The following ECHDC3 variants were observed in gnomAD, a reference collection of about 807,000 sequenced individuals.
The protein encoded by ECHDC3 is enoyl-CoA hydratase domain containing 3, also known as enoyl-CoA hydratase domain-containing protein 3, mitochondrial.
A neutral mutation model predicts 17.9 loss-of-function variants in ECHDC3; 20 were observed. The ratio of observed to expected loss-of-function variants is 1.12; its 90% CI spans 0.79 to 1.63. ECHDC3 has a LOEUF of 1.63. Ranked by LOEUF, ECHDC3 falls within the 40% of genes most tolerant of loss-of-function variation. The pLI is 0.00. For missense variants in ECHDC3, 407 were observed against 357.7 expected, an observed-to-expected ratio of 1.14 and a Z score of -1.11; for synonymous variants, 177 against 149.7, an observed-to-expected ratio of 1.18 and a Z score of -1.33.
At chr10:11,753,487 G>C (rs1832850737) in intron 3 of ECHDC3, among the ~76,000 whole-genome samples, 1 of 152,198 alleles carries the variant, frequency 6.6e-6, no homozygotes, top group Admixed American at 6.5e-5. Flanking sequence ...ATGATGGACA[G>C]GACAGGTAGA....
chr10:11,757,639 G>A (rs1832898919), intron 4 of ECHDC3, among the ~76,000 whole-genome samples: 1 of 152,150 alleles, frequency 6.6e-6, no homozygotes, highest in Non-Finnish European at 1.5e-5. Context: ...CCTGAAAGCG[G>A]TTCAGAGTTC....
chr10:11,744,658 A>G (rs1019615863), intron 1 of ECHDC3, among the ~76,000 whole-genome samples: 1 of 152,142 alleles, frequency 6.6e-6, no homozygotes, highest in Admixed American at 6.5e-5. Context: ...CAAGATGGCC[A>G]CTGGGAGGGT....
intron 3 of ECHDC3, among the ~76,000 whole-genome samples, chr10:11,752,728 G>T (rs542242247): frequency 1.3e-5 from 2 of 152,164 alleles, no homozygotes; most frequent in African/African-American, 4.8e-5. Context: ...TATAAGGTTG[G>T]TGCTATTATC....
chr10:11,746,738 C>G (rs1057280594), intron 1 of ECHDC3, among the ~76,000 whole-genome samples: 1 of 152,154 alleles, frequency 6.6e-6, no homozygotes, highest in East Asian at 1.9e-4. Flanking sequence ...GAGTTCAAGA[C>G]CAGCCTAGCC....
intron 4 of ECHDC3, among the ~76,000 whole-genome samples, chr10:11,760,304 G>A (rs556596316): frequency 5.9e-5 from 9 of 152,316 alleles, no homozygotes; most frequent in Middle Eastern, 3.4e-3. Flanking sequence ...ACCAGGCCCC[G>A]CCTGTGAAGC....
At chr10:11,758,268 G>A (rs1832906492) in intron 4 of ECHDC3, among the ~76,000 whole-genome samples, 1 of 152,092 alleles carries the variant, frequency 6.6e-6, no homozygotes, top group African/African-American at 2.4e-5. Context: ...GCATCTTTCT[G>A]GCACCCTATA....
intron 4 of ECHDC3, among the ~76,000 whole-genome samples, chr10:11,761,648 C>G (rs1383487611): frequency 6.6e-6 from 1 of 152,196 alleles, no homozygotes; most frequent in African/African-American, 2.4e-5. Context: ...TCAGCTGGGC[C>G]CCCACAAGGG....
chr10:11,748,618 G>T (rs1330576378), intron 2 of ECHDC3, among the ~76,000 whole-genome samples: 2 of 152,200 alleles, frequency 1.3e-5, no homozygotes, highest in African/African-American at 4.8e-5. Flanking sequence ...AGGCATGGTT[G>T]CTCATGTCTG....
chr10:11,747,907 A>C (rs973673047), intron 2 of ECHDC3, among the ~76,000 whole-genome samples: 4 of 152,192 alleles, frequency 2.6e-5, no homozygotes, highest in African/African-American at 9.7e-5. Context: ...ATATTCTGCT[A>C]ATTTGTTTGC....
intron 2 of ECHDC3, among the ~76,000 whole-genome samples, 184 bp from the exon 3 acceptor site, chr10:11,749,311 C>G (rs1207922049): frequency 1.3e-5 from 2 of 152,316 alleles, no homozygotes; most frequent in East Asian, 1.9e-4. Context: ...TTGCATTTTT[C>G]ATCACAAAAT....
chr10:11,749,051 C>T (rs1434863834), intron 2 of ECHDC3, among the ~76,000 whole-genome samples: 1 of 152,196 alleles, frequency 6.6e-6, no homozygotes, highest in Non-Finnish European at 1.5e-5. Flanking sequence ...CTACCCTCAC[C>T]TTCCCACTTC....
At chr10:11,753,797 CAG>C (rs2133791570) in intron 3 of ECHDC3, among the ~76,000 whole-genome samples, 2 of 86,202 alleles carry the variant, frequency 2.3e-5, no homozygotes, top group East Asian at 6.7e-4. Context: ...TTATTTGAGA[CAG>C]AGTCTCACTG....
rs34878615 is a variant in ECHDC3 at position 11,755,485 on chromosome 10, A to G, written c.468A>G (p.Gln156=). The G allele has an allele frequency of 3.7e-3, 6,019 of 1,614,074 alleles. 199 individuals are homozygous for G. In the African/African-American group the frequency reaches 0.069, roughly 18 times the overall value. ...VNGLAAAAGC[Q]LVASCDIAVA... is the part of the protein sequence containing the mutation. Reference sequence around the variant, plus strand: ...GCCTGGCCGCGGCTGCCGGCTGTCAACTGGTTGCCAGCTGCGACATTGCCG... The same window carrying G: ...GCCTGGCCGCGGCTGCCGGCTGTCAGCTGGTTGCCAGCTGCGACATTGCCG... The change falls in exon 4 of 5, where the codon CAA becomes CAG. Residue 156 remains glutamine, a synonymous_variant. Coordinates refer to ENST00000379215, the MANE Select transcript of ECHDC3 (RefSeq NM_024693.5).
At chr10:11,750,241 A>G (rs921209910) in intron 3 of ECHDC3, among the ~76,000 whole-genome samples, 1 of 152,228 alleles carries the variant, frequency 6.6e-6, no homozygotes, top group African/African-American at 2.4e-5. Flanking sequence ...TAAGAAGGAA[A>G]AGGTGAAAAT....
intron 1 of ECHDC3, among the ~76,000 whole-genome samples, chr10:11,744,932 G>T (rs891505983): frequency 2.6e-5 from 4 of 152,226 alleles, no homozygotes; most frequent in African/African-American, 9.6e-5. Flanking sequence ...AGTCATCGGT[G>T]AAGTTGCCTG....
intron 4 of ECHDC3, among the ~76,000 whole-genome samples, chr10:11,756,433 G>A (rs1386299213): frequency 6.6e-6 from 1 of 152,226 alleles, no homozygotes; most frequent in Admixed American, 6.5e-5. Flanking sequence ...ATCTGCTTTA[G>A]CATCAGCTGT....
rs1832935729 is a variant in ECHDC3, at chr10:11,760,417, G to A, written c.592-2807G>A. Among the ~76,000 whole-genome samples the A allele has an allele frequency of 2.6e-5, 4 of 152,190 alleles. No homozygotes were observed. In the South Asian group the frequency reaches 8.3e-4, roughly 32 times the overall value. ...GCCCAGGCTGCAAGCCCCCCACCTG[G>A]GATGAATACTTGCCCATCTGCTGAG... On this transcript the variant is annotated intron_variant, in intron 4 of 4. Transcript: ENST00000379215.
chr10:11,760,607 T>C (rs889148024), intron 4 of ECHDC3, among the ~76,000 whole-genome samples: 1 of 152,216 alleles, frequency 6.6e-6, no homozygotes, highest in Non-Finnish European at 1.5e-5. Context: ...TCTTGTTGCA[T>C]CAGTTTTTCA....
intron 2 of ECHDC3, among the ~76,000 whole-genome samples, chr10:11,749,275 C>T (rs1434100153): frequency 3.9e-5 from 6 of 152,150 alleles, no homozygotes; most frequent in Non-Finnish European, 5.9e-5. Flanking sequence ...TTTTAGGACA[C>T]GGAGGCACCT....
Sources: allele counts gnomAD v4.1 joint callset (sites outside exome capture counted in the v4.1 genomes callset), GRCh38; gene constraint gnomAD v4.1.1; transcripts MANE v1.5; gene names NCBI Gene and HGNC (gene_info 2026-07-23, HGNC 2026-07-21).